Variants in NRIP1 observed in about 807,000 individuals in gnomAD.
NRIP1 encodes nuclear receptor-interacting protein 1.
A neutral mutation model predicts 75.0 loss-of-function variants in NRIP1; 28 were observed. That is an observed-to-expected ratio of 0.37 (90% CI 0.28 to 0.51). The LOEUF (loss-of-function observed/expected upper bound fraction) is 0.51. Among genes scored for constraint, NRIP1 ranks in the 20% least tolerant of loss-of-function variants. NRIP1 has a pLI of 0.92. For missense variants in NRIP1, 1,435 were observed against 1,343.7 expected, an observed-to-expected ratio of 1.07 and a Z score of -1.06; for synonymous variants, 526 against 487.6, an observed-to-expected ratio of 1.08 and a Z score of -1.04.
At chr21:14,988,421 TTAGATAGA>T (rs3075987) in intron 3 of NRIP1, among the ~76,000 whole-genome samples, 5,363 of 145,860 alleles carry the variant, frequency 0.037, 141 homozygotes, top group Middle Eastern at 0.08. Flanking sequence ...TCTTTTGTCT[TTAGATAGA>T]TAGATAGATA....
At chr21:14,972,722 G>T (rs949692403) in intron 3 of NRIP1, among the ~76,000 whole-genome samples, 3 of 152,214 alleles carry the variant, frequency 2.0e-5, no homozygotes, top group African/African-American at 7.2e-5. Flanking sequence ...TTTGCATGGA[G>T]TAGCGGGGTG....
chr21:14,981,029 C>T (rs1249895254), intron 3 of NRIP1, among the ~76,000 whole-genome samples: 1 of 152,124 alleles, frequency 6.6e-6, no homozygotes, highest in East Asian at 1.9e-4. Flanking sequence ...AATATCACTA[C>T]AGACACAATT....
intron 3 of NRIP1, among the ~76,000 whole-genome samples, chr21:14,981,852 AT>A (rs61171563): frequency 0.27 from 35,267 of 131,024 alleles, 4,350 homozygotes; most frequent in African/African-American, 0.43. Context: ...AGTTCATTTG[AT>A]TTTTTTTTTT....
At chr21:14,994,134 G>A (rs1048451618) in intron 3 of NRIP1, among the ~76,000 whole-genome samples, 2 of 151,768 alleles carry the variant, frequency 1.3e-5, no homozygotes, top group South Asian at 2.1e-4. Flanking sequence ...TGGGGGTGGG[G>A]TGGGGGCGCA....
At chr21:14,975,626 TAAAAAAAA>T (rs71183452) in intron 3 of NRIP1, among the ~76,000 whole-genome samples, 1 of 107,532 alleles carries the variant, frequency 9.3e-6, no homozygotes, top group Non-Finnish European at 1.9e-5. Context: ...ACTATTTCTT[TAAAAAAAA>T]AAAAAAAAAA....
chr21:15,021,064 T>A (rs1192262817), intron 2 of NRIP1, among the ~76,000 whole-genome samples: 1 of 151,826 alleles, frequency 6.6e-6, no homozygotes, highest in Non-Finnish European at 1.5e-5. Context: ...TACACTGGAG[T>A]ACCTAAGAGA....
At chr21:14,994,329 T>C (rs1258456142) in intron 3 of NRIP1, among the ~76,000 whole-genome samples, 1 of 152,242 alleles carries the variant, frequency 6.6e-6, no homozygotes, top group Non-Finnish European at 1.5e-5. Context: ...TTCGCCATGT[T>C]GGCCAGGCTG....
At chr21:15,035,006 T>A (rs900988717) in intron 2 of NRIP1, among the ~76,000 whole-genome samples, 1 of 152,178 alleles carries the variant, frequency 6.6e-6, no homozygotes, top group African/African-American at 2.4e-5. Context: ...ATAATATTCT[T>A]ATGATGTAAG....
intron 2 of NRIP1, among the ~76,000 whole-genome samples, chr21:15,030,535 T>C (rs1042445621): frequency 2.0e-5 from 3 of 152,220 alleles, no homozygotes; most frequent in African/African-American, 7.2e-5. Context: ...GAATAATATG[T>C]TACAAACAGG....
At chr21:14,992,440 C>A (rs1487560327) in intron 3 of NRIP1, 2 of 152,084 alleles carry the variant, frequency 1.3e-5, no homozygotes, top group African/African-American at 4.8e-5. Flanking sequence ...TAGTTTATAA[C>A]ATATTGATGA....
chr21:14,979,959 A>G (rs777722735), intron 3 of NRIP1, among the ~76,000 whole-genome samples: 1 of 152,200 alleles, frequency 6.6e-6, no homozygotes, highest in Non-Finnish European at 1.5e-5. Context: ...ATGCTCTCTC[A>G]TAATTCCAAG....
In NRIP1 at chr21:14,962,208, T is replaced by C. The variant is rs192712198; in HGVS notation, c.*2508A>G. On this transcript the variant is annotated 3_prime_UTR_variant, in exon 4 of 4. Transcript: ENST00000318948. ...AAAATAGTCCTTGAAAATGTGTATA[T>C]GTGCATCCTTGTATCTACATATGCA... 4 of 151,898 alleles carry C rather than the reference T, an allele frequency of 2.6e-5. No individual in the cohort carries two copies. Among genetic ancestry groups the C allele is most frequent in the Admixed American group, 1.3e-4 (2 of 15,222 alleles). The allele number at this position is 151,898 out of a possible 1,614,324, so 9.4% of individuals were successfully genotyped here.
chr21:15,062,133 A>C (rs996754001), intron 1 of NRIP1, among the ~76,000 whole-genome samples: 4 of 152,216 alleles, frequency 2.6e-5, no homozygotes, highest in African/African-American at 9.6e-5. Flanking sequence ...ACACCACTTA[A>C]AGGAGGAACA....
At position 15,010,494 on chromosome 21, in the gene NRIP1, C is replaced by A. The variant is rs112120692; in HGVS notation, c.-335+3850G>T. On this transcript the variant is annotated intron_variant, in intron 3 of 3. Coordinates refer to ENST00000318948, the MANE Select transcript of NRIP1 (RefSeq NM_003489.4). ...AGTAGGGATCTTCCTCCCCAAACAACGTAAGTTATATCAATTAAGATACTA... is the reference window on the plus strand; with the variant it reads ...AGTAGGGATCTTCCTCCCCAAACAAAGTAAGTTATATCAATTAAGATACTA... Among the ~76,000 whole-genome samples the A allele has an allele frequency of 4.2e-3, 641 of 151,114 alleles. 7 individuals carry two copies. The highest frequency in any genetic ancestry group is 0.015 in the African/African-American group (612 of 41,170).
chr21:15,021,461 G>A (rs2088371837), intron 2 of NRIP1, among the ~76,000 whole-genome samples: 1 of 152,190 alleles, frequency 6.6e-6, no homozygotes, highest in Non-Finnish European at 1.5e-5. Context: ...ACATGAAAAT[G>A]TCCTAACGCC....
At chr21:14,978,107 C>A (rs891630544) in intron 3 of NRIP1, among the ~76,000 whole-genome samples, 1 of 152,174 alleles carries the variant, frequency 6.6e-6, no homozygotes, top group African/African-American at 2.4e-5. Context: ...CAGCTGCTTC[C>A]ATAGGAGTAA....
At chr21:15,059,171 C>T (rs559558646) in intron 1 of NRIP1, among the ~76,000 whole-genome samples, 3 of 152,240 alleles carry the variant, frequency 2.0e-5, no homozygotes, top group South Asian at 2.1e-4. Flanking sequence ...GTAGCTTAAG[C>T]GGATGACTCA....
intron 2 of NRIP1, among the ~76,000 whole-genome samples, chr21:15,040,514 C>T (rs2088928553): frequency 6.6e-6 from 1 of 152,014 alleles, no homozygotes; most frequent in Admixed American, 6.6e-5. Context: ...ACAAGAAACG[C>T]TTGTCAGGAA....
intron 3 of NRIP1, among the ~76,000 whole-genome samples, chr21:14,998,760 T>G (rs1020076384): frequency 6.6e-6 from 1 of 152,210 alleles, no homozygotes; most frequent in Non-Finnish European, 1.5e-5. Flanking sequence ...TTCAGACATC[T>G]TTCCTCTAGC....
Sources: allele counts gnomAD v4.1 joint callset (sites outside exome capture counted in the v4.1 genomes callset), GRCh38; gene constraint gnomAD v4.1.1; transcripts MANE v1.5; gene names NCBI Gene and HGNC (gene_info 2026-07-23, HGNC 2026-07-21).